DPP10: variants seen among roughly 807,000 people sequenced by gnomAD.
The protein encoded by DPP10 is dipeptidyl peptidase like 10, also known as inactive dipeptidyl peptidase 10.
Under a neutral mutation model 120.9 loss-of-function variants are expected in DPP10, and 33 were observed. The observed-to-expected ratio is 0.27, with a 90% CI of 0.21 to 0.37. DPP10 has a LOEUF of 0.37. Among genes scored for constraint, DPP10 ranks in the 10% least tolerant of loss-of-function variants. The pLI, the probability that DPP10 is intolerant of heterozygous loss-of-function variation, is 1.00. For missense variants in DPP10, 816 were observed against 942.8 expected (o/e 0.87, Z 1.76); for synonymous variants, 337 against 326.1 (o/e 1.03, Z -0.36).
chr2:115,723,622 GTTT>G (rs11399436), intron 7 of DPP10, among the ~76,000 whole-genome samples: 1 of 142,950 alleles, frequency 7.0e-6, no homozygotes, highest in Non-Finnish European at 1.5e-5. Context: ...GTTGTTTTTT[GTTT>G]TTTTTTTTTT....
At chr2:114,538,176 G>C (rs1044612913) in intron 1 of DPP10, among the ~76,000 whole-genome samples, 2 of 152,254 alleles carry the variant, frequency 1.3e-5, no homozygotes, top group Non-Finnish European at 2.9e-5. Context: ...AAGAAGAGCA[G>C]AAGGGAGTAT....
At chr2:115,435,846 A>G (rs2071445272) in intron 3 of DPP10, among the ~76,000 whole-genome samples, 1 of 151,934 alleles carries the variant, frequency 6.6e-6, no homozygotes, top group Admixed American at 6.6e-5. Flanking sequence ...TAAGTCTACA[A>G]TCCACGTTAA....
chr2:115,340,836 A>G (rs181321075), intron 2 of DPP10, among the ~76,000 whole-genome samples: 85 of 152,112 alleles, frequency 5.6e-4, no homozygotes, highest in Non-Finnish European at 9.9e-4. Context: ...TCTCACTGAA[A>G]TAAGTACATG....
chr2:115,629,632 A>T (rs1414795808), intron 5 of DPP10, among the ~76,000 whole-genome samples: 5 of 151,934 alleles, frequency 3.3e-5, no homozygotes, highest in African/African-American at 9.7e-5. Flanking sequence ...GTGTCTGTTC[A>T]TATCCAGCAC....
chr2:115,655,533 T>A (rs1400556638), intron 5 of DPP10, among the ~76,000 whole-genome samples: 11 of 151,720 alleles, frequency 7.3e-5, no homozygotes, highest in Non-Finnish European at 1.6e-4. Flanking sequence ...TTACATCTAA[T>A]CAACCCCATC....
chr2:115,345,110 A>G (rs2063645420), intron 3 of DPP10, among the ~76,000 whole-genome samples: 1 of 152,210 alleles, frequency 6.6e-6, no homozygotes, highest in South Asian at 2.1e-4. Flanking sequence ...TAAATGAATG[A>G]ATGATTTTAA....
intron 7 of DPP10, 29 bp downstream of exon 7, chr2:115,689,950 C>T: frequency 6.3e-7 from 1 of 1,585,052 alleles, no homozygotes; most frequent in Non-Finnish European, 8.6e-7. Context: ...ATGCACTGAA[C>T]ACTGCCAATC....
chr2:115,791,377 TAA>T (rs774878099), intron 19 of DPP10, 21 bp downstream of exon 19: 3 of 1,560,742 alleles, frequency 1.9e-6, no homozygotes, highest in Admixed American at 3.9e-5. Flanking sequence ...TATTTGTTTT[TAA>T]AATAAAGGAA....
chr2:115,545,940 T>G lies in DPP10; in HGVS notation c.441+19968T>G, dbSNP rs150001802. Reference sequence around the variant, plus strand: ...TCATGGTCCCCCCTTTATTTAATGTTTTCATCCTTGATGCTCAGGGCTTTT... The same window carrying G: ...TCATGGTCCCCCCTTTATTTAATGTGTTCATCCTTGATGCTCAGGGCTTTT... On this transcript the variant is annotated intron_variant, in intron 5 of 25. Transcript: ENST00000410059. Among the ~76,000 whole-genome samples, 143 of 152,230 alleles carry G rather than the reference T, an allele frequency of 9.4e-4. No individual in the cohort carries two copies. The Middle Eastern group carries it at 0.014, about 14-fold the overall frequency.
chr2:115,181,446 C>G (rs550884584), intron 1 of DPP10, among the ~76,000 whole-genome samples: 1 of 152,274 alleles, frequency 6.6e-6, no homozygotes, highest in African/African-American at 2.4e-5. Context: ...GCTGGAAGGT[C>G]AGGAAGACTT....
intron 3 of DPP10, among the ~76,000 whole-genome samples, chr2:115,450,989 T>C (rs1382451543): frequency 6.6e-6 from 1 of 151,930 alleles, no homozygotes; most frequent in Non-Finnish European, 1.5e-5. Flanking sequence ...TATGGTTGTC[T>C]TACTCATGAG....
chr2:115,331,330 G>A (rs62167295), intron 2 of DPP10, among the ~76,000 whole-genome samples: 99,495 of 152,008 alleles, frequency 0.65, 32,859 homozygotes, highest in Admixed American at 0.74. Flanking sequence ...GGGCTGAGAC[G>A]ATGGGGTTTT....
intron 1 of DPP10, among the ~76,000 whole-genome samples, chr2:114,922,610 C>A (rs1440185399): frequency 1.3e-5 from 2 of 152,172 alleles, no homozygotes; most frequent in Non-Finnish European, 2.9e-5. Flanking sequence ...CAGTGCCCAG[C>A]CTAGACATTT....
intron 3 of DPP10, among the ~76,000 whole-genome samples, chr2:115,384,576 G>A (rs1333320547): frequency 3.3e-5 from 4 of 120,090 alleles, no homozygotes; most frequent in South Asian, 5.4e-4. Flanking sequence ...AAGAAGAAGA[G>A]GAAGAGGAGG....
At chr2:115,393,235 C>T (rs553041746) in intron 3 of DPP10, among the ~76,000 whole-genome samples, 2 of 151,426 alleles carry the variant, frequency 1.3e-5, no homozygotes, top group East Asian at 3.9e-4. Flanking sequence ...ATCGCTTGAA[C>T]CCAAGAGGTG....
chr2:114,972,114 G>C (rs946767019), intron 1 of DPP10, among the ~76,000 whole-genome samples: 1 of 152,206 alleles, frequency 6.6e-6, no homozygotes, highest in African/African-American at 2.4e-5. Flanking sequence ...TATTCTAGTT[G>C]CCAATCACTC....
chr2:115,136,657 A>AT (rs148129735), intron 1 of DPP10, among the ~76,000 whole-genome samples: 12,940 of 152,020 alleles, frequency 0.085, 790 homozygotes, highest in Non-Finnish European at 0.12. Context: ...AAGGGATGGA[A>AT]TAAAAAAAAA....
chr2:115,468,755 C>CCTGAG, intron 3 of DPP10: 1 of 418,042 alleles, frequency 2.4e-6, no homozygotes, highest in Non-Finnish European at 4.6e-6. Flanking sequence ...TACTGTAGCT[C>CCTGAG]CTGAGTTTGC....
chr2:114,913,012 C>T (rs1694492019), intron 1 of DPP10, among the ~76,000 whole-genome samples: 1 of 152,192 alleles, frequency 6.6e-6, no homozygotes, highest in Non-Finnish European at 1.5e-5. Context: ...CTATCTTGTC[C>T]ATGGGATGTG....
Sources: gnomAD v4.1 joint callset for allele counts (sites outside exome capture counted in the v4.1 genomes callset) on GRCh38, gnomAD v4.1.1 for gene constraint, MANE v1.5 for transcripts, NCBI Gene and HGNC (gene_info 2026-07-23, HGNC 2026-07-21) for gene names.